PARD3: variants seen among roughly 807,000 people sequenced by gnomAD.
PARD3 encodes par-3 family cell polarity regulator.
In PARD3, 75 loss-of-function variants were observed where a neutral mutation model predicts 155.4. The ratio of observed to expected loss-of-function variants is 0.48; its 90% CI spans 0.40 to 0.58. The LOEUF is 0.58. PARD3 is among the 20% of genes least tolerant of loss of function. The pLI is 0.00. For synonymous variants in PARD3, 576 were observed against 610.5 expected, an observed-to-expected ratio of 0.94 and a Z score of 0.83; for missense variants, 1,642 against 1,721.7, an observed-to-expected ratio of 0.95 and a Z score of 0.82.
intron 2 of PARD3, among the ~76,000 whole-genome samples, chr10:34,554,159 T>C (rs1279757506): frequency 6.6e-6 from 1 of 152,224 alleles, no homozygotes; most frequent in African/African-American, 2.4e-5. Context: ...GAAGAGACTT[T>C]AGGTTAAATG....
chr10:34,578,235 T>A (rs982363105), intron 2 of PARD3, among the ~76,000 whole-genome samples: 9 of 151,976 alleles, frequency 5.9e-5, no homozygotes, highest in Non-Finnish European at 1.2e-4. Context: ...CTGAAAAAAA[T>A]TTTTTTAAGT....
chr10:34,632,369 G>A (rs769701300), intron 2 of PARD3, among the ~76,000 whole-genome samples: 26 of 152,092 alleles, frequency 1.7e-4, no homozygotes, highest in Non-Finnish European at 3.1e-4. Context: ...CCCATCCTCT[G>A]CGCTAAGGAG....
At chr10:34,372,432 T>C in intron 12 of PARD3, 66 bp downstream of exon 12, 3 of 1,167,374 alleles carry the variant, frequency 2.6e-6, no homozygotes. Context: ...CGTATTAAAT[T>C]AGTAAGAAGT....
At chr10:34,179,092 G>A (rs781197860) in intron 22 of PARD3, among the ~76,000 whole-genome samples, 10 of 152,090 alleles carry the variant, frequency 6.6e-5, no homozygotes, top group Non-Finnish European at 1.5e-4. Context: ...AAGAAAAGAC[G>A]TCAATATTTC....
chr10:34,507,550 A>AAAAAAAAAAAAACG (rs1554880669), intron 3 of PARD3, among the ~76,000 whole-genome samples: 1 of 129,224 alleles, frequency 7.7e-6, no homozygotes, highest in African/African-American at 3.6e-5. Flanking sequence ...TAAAAAAACA[A>AAAAAAAAAAAAACG]AAAAAAAAAA....
intron 22 of PARD3, among the ~76,000 whole-genome samples, chr10:34,258,068 T>G (rs1284129213): frequency 1.3e-5 from 2 of 152,216 alleles, no homozygotes. Flanking sequence ...TATAGTATGA[T>G]GTGAACCAAT....
intron 1 of PARD3, among the ~76,000 whole-genome samples, chr10:34,772,046 A>G (rs139710769): frequency 1.3e-5 from 2 of 152,306 alleles, no homozygotes; most frequent in African/African-American, 4.8e-5. Flanking sequence ...ATCTCGCCCA[A>G]CAAGCAGAAT....
chr10:34,699,165 G>GTCAGC (rs1417988730), intron 1 of PARD3, among the ~76,000 whole-genome samples: 5 of 152,144 alleles, frequency 3.3e-5, no homozygotes, highest in African/African-American at 1.2e-4. Flanking sequence ...TGACTCAACA[G>GTCAGC]TCAGCTATGC....
chr10:34,486,741 T>C (rs2079498998), intron 3 of PARD3, among the ~76,000 whole-genome samples: 1 of 152,206 alleles, frequency 6.6e-6, no homozygotes, highest in Non-Finnish European at 1.5e-5. Flanking sequence ...CTGCATTTCA[T>C]TGTCCTGGTG....
intron 1 of PARD3, among the ~76,000 whole-genome samples, chr10:34,746,354 C>T (rs770946914): frequency 1.3e-5 from 2 of 151,734 alleles, no homozygotes; most frequent in East Asian, 1.9e-4. Flanking sequence ...CAGGCTGAGG[C>T]GGGAGGATTG....
At chr10:34,640,450 C>A (rs920071109) in intron 2 of PARD3, among the ~76,000 whole-genome samples, 1 of 151,956 alleles carries the variant, frequency 6.6e-6, no homozygotes, top group Middle Eastern at 3.4e-3. Flanking sequence ...AACCCTGTCT[C>A]TACTAAAAAT....
chr10:34,770,555 A>C (rs1227738269), intron 1 of PARD3, among the ~76,000 whole-genome samples: 1 of 151,834 alleles, frequency 6.6e-6, no homozygotes, highest in Non-Finnish European at 1.5e-5. Context: ...TGAGCAGGAA[A>C]CTCTTGCGCT....
intron 1 of PARD3, among the ~76,000 whole-genome samples, chr10:34,720,292 AG>A (rs1207201803): frequency 6.6e-6 from 1 of 151,978 alleles, no homozygotes; most frequent in Non-Finnish European, 1.5e-5. Context: ...AAAATTAGCC[AG>A]GTGTGGTGGT....
chr10:34,413,144 TACACAC>T lies in PARD3; in HGVS notation c.715-11233_715-11228del, dbSNP rs146779470. On this transcript the variant is annotated intron_variant, in intron 5 of 24. Transcript: ENST00000374788. Reference sequence around the variant, plus strand: ...CATTAGGCAGTACTTCAGATATATATACACACACACACACACACACACACACACACA... The same window carrying T: ...CATTAGGCAGTACTTCAGATATATATACACACACACACACACACACACACA... 4.6e-3 allele frequency among the ~76,000 whole-genome samples: 674 copies of T among 145,996 alleles called. 4 individuals carry two copies. Among genetic ancestry groups the T allele is most frequent in the South Asian group, 0.019 (88 of 4,574 alleles).
chr10:34,304,601 T>C (rs954738756), intron 20 of PARD3, among the ~76,000 whole-genome samples: 2 of 151,392 alleles, frequency 1.3e-5, no homozygotes, highest in African/African-American at 4.9e-5. Flanking sequence ...TGCAGGAGAG[T>C]GTTAGGAACA....
chr10:34,286,562 G>C (rs1163719395), intron 20 of PARD3, among the ~76,000 whole-genome samples: 2 of 152,242 alleles, frequency 1.3e-5, no homozygotes, highest in Non-Finnish European at 2.9e-5. Context: ...CTGAGACACA[G>C]GCAGGCTGAG....
rs1355039941 is a variant in PARD3 at position 34,753,615 on chromosome 10, T to C, written c.121-57196A>G. Among the ~76,000 whole-genome samples the C allele has an allele frequency of 2.6e-5, 4 of 152,376 alleles. 1 individual carries two copies. In the South Asian group the frequency reaches 8.3e-4, roughly 32 times the overall value. On this transcript the variant is annotated intron_variant, in intron 1 of 24. Transcript: ENST00000374788. ...TAAAAATAAATATTTAGCCTACTTA[T>C]TGATAAAAATATCCTCCCAGTAGCC...
chr10:34,642,661 T>C (rs981538337), intron 2 of PARD3, among the ~76,000 whole-genome samples: 3 of 152,092 alleles, frequency 2.0e-5, no homozygotes, highest in African/African-American at 7.2e-5. Context: ...GTACCCATGA[T>C]AAACCCTGAG....
intron 5 of PARD3, among the ~76,000 whole-genome samples, chr10:34,446,265 T>C (rs1564723047): frequency 6.6e-6 from 1 of 152,112 alleles, no homozygotes; most frequent in Non-Finnish European, 1.5e-5. Flanking sequence ...TCCCACATAT[T>C]CCCTAGCTCC....
Sources: gnomAD v4.1 joint callset for allele counts (sites outside exome capture counted in the v4.1 genomes callset) on GRCh38, gnomAD v4.1.1 for gene constraint, MANE v1.5 for transcripts, NCBI Gene and HGNC (gene_info 2026-07-23, HGNC 2026-07-21) for gene names.